The following LRRC46 variants were observed in gnomAD, a reference collection of about 807,000 sequenced individuals.
LRRC46 encodes leucine-rich repeat-containing protein 46.
In LRRC46, 20 loss-of-function variants were observed where a neutral mutation model predicts 28.0. That is an observed-to-expected ratio of 0.71 (90% CI 0.50 to 1.04). The LOEUF is 1.04. Ranked by LOEUF, LRRC46 falls within the 50% of genes least tolerant of loss-of-function variation. The pLI, the probability that LRRC46 is intolerant of heterozygous loss-of-function variation, is 0.00. For missense variants in LRRC46, 315 were observed against 390.1 expected, an observed-to-expected ratio of 0.81 and a Z score of 1.62; for synonymous variants, 156 against 158.8, an observed-to-expected ratio of 0.98 and a Z score of 0.13.
chr17:47,834,201 C>G (rs1479454233), intron 2 of LRRC46, among the ~76,000 whole-genome samples: 1 of 152,142 alleles, frequency 6.6e-6, no homozygotes, highest in East Asian at 1.9e-4. Flanking sequence ...ACTCCTCTCT[C>G]TCACCCTTCC....
intron 2 of LRRC46, among the ~76,000 whole-genome samples, chr17:47,833,374 C>T (rs1166493709): frequency 6.6e-6 from 1 of 151,234 alleles, no homozygotes; most frequent in Non-Finnish European, 1.5e-5. Context: ...TCTTTCCCTT[C>T]TTCCTCCTCC....
chr17:47,832,682 AAAAC>A (rs1216358276), intron 2 of LRRC46, among the ~76,000 whole-genome samples: 4 of 152,216 alleles, frequency 2.6e-5, no homozygotes, highest in African/African-American at 9.6e-5. Flanking sequence ...CCCTATTTCT[AAAAC>A]AAACAAAAAG....
chr17:47,834,590 C>T, intron 3 of LRRC46, 57 bp downstream of exon 3: 2 of 1,245,278 alleles, frequency 1.6e-6, no homozygotes, highest in Non-Finnish European at 2.3e-6. Flanking sequence ...TAATCTGTCT[C>T]ATCTGAAAGG....
At position 47,831,900 on chromosome 17, in the gene LRRC46, C is replaced by A. The variant is rs1567952393; in HGVS notation, c.-90C>A. The A allele has an allele frequency of 1.1e-5, 17 of 1,547,968 alleles. No individual in the cohort carries two copies. Among genetic ancestry groups the A allele is most frequent in the Admixed American group, 1.7e-5 (1 of 58,362 alleles). ...GTCTCTGAGTTTCTCTCTCCTCCTG[C>A]CATCCTGAGTTCTGCCATCCTTAGG... is the stretch of plus-strand genomic sequence containing the variant. On this transcript the variant is annotated 5_prime_UTR_variant, in exon 1 of 8. Coordinates refer to ENST00000269025, the MANE Select transcript of LRRC46 (RefSeq NM_033413.4).
At position 47,837,614 on chromosome 17, in the gene LRRC46, G is replaced by A. The variant is rs1014004314; in HGVS notation, c.*494G>A. The A allele has an allele frequency of 7.2e-6, 4 of 556,860 alleles. No individual in the cohort carries two copies. Among genetic ancestry groups the A allele is most frequent in the Non-Finnish European group, 1.2e-5 (4 of 327,250 alleles). The allele number at this position is 556,860 out of a possible 1,614,324, so 34.5% of individuals were successfully genotyped here. On this transcript the variant is annotated 3_prime_UTR_variant, in exon 8 of 8. Coordinates refer to ENST00000269025, the MANE Select transcript of LRRC46 (RefSeq NM_033413.4). ...GAATGAGTACACAACCACAGGCCCCGCAGCCAGCCCACAGCTGCCTTTGGG... is the reference window on the plus strand; with the variant it reads ...GAATGAGTACACAACCACAGGCCCCACAGCCAGCCCACAGCTGCCTTTGGG...
Position 47,836,798 on chromosome 17 carries a change from G to C in LRRC46, c.644G>C (p.Arg215Pro). ...GAGCTGAGCAGGCACAGGGAGCACCGGCAACAGACGGCCCTGACAGAGCAC... is the reference window on the plus strand; with the variant it reads ...GAGCTGAGCAGGCACAGGGAGCACCCGCAACAGACGGCCCTGACAGAGCAC... The part of the protein sequence containing the change: ...EQELSRHREH[R>P]QQTALTEHLL... Residue 215 changes from arginine (R) to proline (P), a missense_variant, in exon 8 of 8, where the codon CGG becomes CCG. Coordinates refer to ENST00000269025, the MANE Select transcript of LRRC46 (RefSeq NM_033413.4). This position sits in a 1 kb window ranked among gnomAD's most constrained non-coding sequence, Gnocchi z 5.8. 6.2e-7 allele frequency: 1 copy of C among 1,613,868 alleles called. No individual in the cohort carries two copies. Among genetic ancestry groups the C allele is most frequent in the Non-Finnish European group, 8.5e-7 (1 of 1,179,994 alleles).
rs1281087953 is a variant in LRRC46, at chr17:47,831,694, C to A, written c.-296C>A. On this transcript the variant is annotated 5_prime_UTR_variant, in exon 1 of 8. Coordinates refer to ENST00000269025, the MANE Select transcript of LRRC46 (RefSeq NM_033413.4). ...CACTCGGCGTCCAGTCTCTTAGCAA[C>A]GACTCCGGCTTCCTAGGAACTGCTC... is the stretch of plus-strand genomic sequence containing the variant. The A allele has an allele frequency of 1.5e-6, 1 of 665,360 alleles. No homozygotes were observed. Among genetic ancestry groups the A allele is most frequent in the Non-Finnish European group, 2.6e-6 (1 of 390,998 alleles). 41.2% of individuals were successfully genotyped at this position (665,360 alleles called of 1,614,324 possible). A position where few individuals can be genotyped will look rare whatever the true frequency, so the allele number is the denominator to read the frequency against.
intron 3 of LRRC46, 74 bp downstream of exon 3, chr17:47,834,607 C>A: frequency 2.1e-6 from 2 of 941,962 alleles, no homozygotes; most frequent in Non-Finnish European, 3.4e-6. Flanking sequence ...AAGGAGCCAA[C>A]CAGGTCATCC....
Position 47,836,376 on chromosome 17 carries a change from G to C in LRRC46, c.496G>C (p.Gly166Arg). 2 of 1,614,110 alleles carry C rather than the reference G, an allele frequency of 1.2e-6. No individual in the cohort carries two copies. The highest frequency in any genetic ancestry group is 1.7e-6 in the Non-Finnish European group (2 of 1,180,020). Reference sequence around the variant, plus strand: ...CCTGCCACTTCTCCTGGACCTGGACGGGCAGCCTGTGGTGGAGCGCTGGAT... The same window carrying C: ...CCTGCCACTTCTCCTGGACCTGGACCGGCAGCCTGTGGTGGAGCGCTGGAT... ...EALPLLLDLD[G>R]QPVVERWISD... is the part of the protein sequence containing the mutation. Residue 166 changes from glycine to arginine, a missense_variant, in exon 7 of 8, where the codon GGG becomes CGG. Physicochemically the swap from Gly to Arg is moderately radical, Grantham distance 125 (BLOSUM62 -2). Coordinates refer to ENST00000269025, the MANE Select transcript of LRRC46 (RefSeq NM_033413.4). This position sits in a 1 kb window ranked among gnomAD's most constrained non-coding sequence, Gnocchi z 5.8.
At chr17:47,832,267 C>A in intron 2 of LRRC46, 62 bp downstream of exon 2, 1 of 1,197,508 alleles carries the variant, frequency 8.4e-7, no homozygotes, top group East Asian at 2.4e-5. Context: ...GACCAGGTCC[C>A]TGACGTGTAC....
rs1296807144 is a variant in LRRC46 at position 47,835,380 on chromosome 17, G to C, written c.253G>C (p.Ala85Pro). ...GNKIQQIENL[A>P]CIPSLRFLSL... ...TAAGATCCAGCAAATTGAGAACCTGGCTTGCATCCCCTCCTTGCGGTATGT... is the reference window on the plus strand; with the variant it reads ...TAAGATCCAGCAAATTGAGAACCTGCCTTGCATCCCCTCCTTGCGGTATGT... Residue 85 changes from alanine (A) to proline (P), a missense_variant, in exon 4 of 8, where the codon GCT (alanine) becomes CCT (proline). By Grantham distance (27) the Ala-to-Pro change is conservative. Transcript: ENST00000269025. 6.2e-6 allele frequency: 10 copies of C among 1,614,028 alleles called. No homozygotes were observed. The highest frequency in any genetic ancestry group is 7.6e-6 in the Non-Finnish European group (9 of 1,180,048).
rs1030287878 is a variant in LRRC46 at position 47,836,183 on chromosome 17, C to G, written c.452+81C>G. 12 of 1,580,880 alleles carry G rather than the reference C, an allele frequency of 7.6e-6. No individual in the cohort carries two copies. In the African/African-American group the frequency reaches 1.6e-4, roughly 21 times the overall value. ...GCCCAGACCCCTCTCAGCCTGCAAA[C>G]CTGGGGTCCTGTCCATGACACCTTC... is the stretch of plus-strand genomic sequence containing the variant. On this transcript the variant is annotated intron_variant, in intron 6 of 7. Coordinates refer to ENST00000269025, the MANE Select transcript of LRRC46 (RefSeq NM_033413.4). This position sits in a 1 kb window ranked among gnomAD's most constrained non-coding sequence, Gnocchi z 5.8.
Position 47,837,145 on chromosome 17 carries a change from G to C in LRRC46, c.*25G>C. ...ATTCTCTGTCAACCTTTCTCTACTA[G>C]TGGAGAGGAGTGGGGCCTGCCCCTC... On this transcript the variant is annotated 3_prime_UTR_variant, in exon 8 of 8. Coordinates refer to ENST00000269025, the MANE Select transcript of LRRC46 (RefSeq NM_033413.4). The C allele has an allele frequency of 1.3e-6, 2 of 1,590,872 alleles. No homozygotes were observed. The highest frequency in any genetic ancestry group is 1.7e-6 in the Non-Finnish European group (2 of 1,174,558).
Position 47,836,701 on chromosome 17 carries a change from A to C in LRRC46, c.596-49A>C. 6.3e-7 allele frequency: 1 copy of C among 1,593,620 alleles called. No individual in the cohort carries two copies. Among genetic ancestry groups the C allele is most frequent in the South Asian group, 1.1e-5 (1 of 89,452 alleles). On this transcript the variant is annotated intron_variant, in intron 7 of 7. Coordinates refer to ENST00000269025, the MANE Select transcript of LRRC46 (RefSeq NM_033413.4). The surrounding 1 kb of genome is among the most constrained non-coding windows in gnomAD (Gnocchi z 5.8). The stretch of plus-strand genomic sequence containing the variant: ...CCTGAGCCCAGGGACCCTCCTGCTG[A>C]GCCCAGGGCTCCACCCACCCTGTAC...
At position 47,836,425 on chromosome 17, in the gene LRRC46, C is replaced by T. The variant is rs1391171904; in HGVS notation, c.545C>T (p.Ser182Leu). The T allele has an allele frequency of 1.2e-6, 2 of 1,614,146 alleles. No homozygotes were observed. Among genetic ancestry groups the T allele is most frequent in the Non-Finnish European group, 8.5e-7 (1 of 1,180,004 alleles). Residue 182 changes from serine (S) to leucine (L), a missense_variant, in exon 7 of 8, where the codon TCA (serine) becomes TTA (leucine). Coordinates refer to ENST00000269025, the MANE Select transcript of LRRC46 (RefSeq NM_033413.4). This position sits in a 1 kb window ranked among gnomAD's most constrained non-coding sequence, Gnocchi z 5.8. ...ATTTCGGATGAGGAGGATGAAGCCT[C>T]AAGCGATGAGGAGTTCCCAGAGCTG... ...RWISDEEDEA[S>L]SDEEFPELSG...
chr17:47,836,204 C>A lies in LRRC46; in HGVS notation c.452+102C>A, dbSNP rs1179280707. On this transcript the variant is annotated intron_variant, in intron 6 of 7. Coordinates refer to ENST00000269025, the MANE Select transcript of LRRC46 (RefSeq NM_033413.4). The surrounding 1 kb of genome is among the most constrained non-coding windows in gnomAD (Gnocchi z 5.8). ...CAAACCTGGGGTCCTGTCCATGACA[C>A]CTTCTCCCCCACCTCCTACCTAGCT... 1.3e-6 allele frequency: 2 copies of A among 1,570,270 alleles called. No homozygotes were observed. The highest frequency in any genetic ancestry group is 2.2e-5 in the East Asian group (1 of 44,586).
intron 2 of LRRC46, 123 bp downstream of exon 2, chr17:47,832,328 G>A: frequency 1.6e-6 from 1 of 622,000 alleles, no homozygotes; most frequent in South Asian, 2.7e-5. Context: ...CATTCAATCA[G>A]TGGTAATGCC....
Position 47,832,131 on chromosome 17 carries a change from C to T in LRRC46, c.42C>T (p.Gly14=), listed in dbSNP as rs755635660. 2.5e-6 allele frequency: 4 copies of T among 1,608,254 alleles called. No homozygotes were observed. The highest frequency in any genetic ancestry group is 2.7e-5 in the African/African-American group (2 of 74,678). Residue 14 remains glycine, a synonymous_variant, in exon 2 of 8, where the codon GGC becomes GGT. Transcript: ENST00000269025. ...CAGCCCAGGGTCCAGAGGAAGGGGG[C>T]GTCTGCATCACTGAAGCCCTTATCA... The part of the protein sequence containing the change: ...GKSAQGPEEG[G]VCITEALITK...
At chr17:47,832,397 T>A (rs1262898309) in intron 2 of LRRC46, among the ~76,000 whole-genome samples, 192 bp downstream of exon 2, 1 of 152,202 alleles carries the variant, frequency 6.6e-6, no homozygotes, top group East Asian at 1.9e-4. Context: ...CTCACTCAAC[T>A]GTCTTAGATA....
Sources: allele counts gnomAD v4.1 joint callset (sites outside exome capture counted in the v4.1 genomes callset), GRCh38; gene constraint gnomAD v4.1.1; non-coding constraint Gnocchi (gnomAD v3.1); transcripts MANE v1.5; gene names NCBI Gene and HGNC (gene_info 2026-07-23, HGNC 2026-07-21).